ESCO1: variants seen among roughly 807,000 people sequenced by gnomAD.
The protein encoded by ESCO1 is N-acetyltransferase ESCO1.
In ESCO1, 33 loss-of-function variants were observed where a neutral mutation model predicts 83.5. The observed-to-expected ratio is 0.40, with a 90% CI of 0.30 to 0.53. ESCO1 has a LOEUF of 0.53. Ranked by LOEUF, ESCO1 falls within the 20% of genes least tolerant of loss-of-function variation. The pLI is 0.63. For synonymous variants in ESCO1, 332 were observed against 324.3 expected, an observed-to-expected ratio of 1.02 and a Z score of -0.25; for missense variants, 855 against 968.0, an observed-to-expected ratio of 0.88 and a Z score of 1.55.
intron 1 of ESCO1, among the ~76,000 whole-genome samples, chr18:21,595,218 T>C (rs1383203265): frequency 1.3e-5 from 2 of 151,958 alleles, no homozygotes; most frequent in Admixed American, 6.6e-5. Flanking sequence ...CACCCTCAAA[T>C]AGCTTATGGA....
At chr18:21,532,064 A>G (rs2037774056) in intron 11 of ESCO1, among the ~76,000 whole-genome samples, 1 of 152,178 alleles carries the variant, frequency 6.6e-6, no homozygotes, top group Non-Finnish European at 1.5e-5. Context: ...AAGAAAAACT[A>G]ATAAGAGATT....
chr18:21,544,233 C>T (rs1428064248), intron 8 of ESCO1, among the ~76,000 whole-genome samples: 1 of 151,706 alleles, frequency 6.6e-6, no homozygotes, highest in African/African-American at 2.4e-5. Flanking sequence ...GAGATCGCGC[C>T]ACTGCACTCC....
intron 1 of ESCO1, among the ~76,000 whole-genome samples, chr18:21,585,301 T>TA: frequency 6.6e-6 from 1 of 152,332 alleles, no homozygotes; most frequent in Middle Eastern, 3.4e-3. Flanking sequence ...TCACATGCCT[T>TA]ATTTTGGCCT....
Position 21,574,051 on chromosome 18 carries a change from ACTT to A in ESCO1, c.790_792del (p.Lys264del), listed in dbSNP as rs757029579. ...TTAGTATTCACTTGTGTATGAACCG[ACTT>A]CTTCATCTCATTCTTTTTCGGGACC... is the stretch of plus-strand genomic sequence containing the variant. On this transcript the variant is annotated inframe_deletion, in exon 4 of 12. Transcript: ENST00000269214. The A allele has an allele frequency of 2.5e-6, 4 of 1,612,592 alleles. No homozygotes were observed. Among genetic ancestry groups the A allele is most frequent in the South Asian group, 1.1e-5 (1 of 91,082 alleles).
At chr18:21,544,838 T>C (rs942042352) in intron 8 of ESCO1, among the ~76,000 whole-genome samples, 1 of 152,214 alleles carries the variant, frequency 6.6e-6, no homozygotes, top group Non-Finnish European at 1.5e-5. Context: ...GTCAAAACTG[T>C]ACCAATGGCC....
intron 9 of ESCO1, among the ~76,000 whole-genome samples, chr18:21,538,192 C>T (rs1375795708): frequency 6.6e-6 from 1 of 151,398 alleles, no homozygotes; most frequent in East Asian, 1.9e-4. Context: ...TGGCTCACGC[C>T]TATAATCCCA....
At chr18:21,553,476 A>T (rs866246148) in intron 8 of ESCO1, among the ~76,000 whole-genome samples, 6,051 of 98,060 alleles carry the variant, frequency 0.062, 217 homozygotes, top group African/African-American at 0.12. Context: ...AAAAAAAAAA[A>T]TTTTTTTTGA....
intron 1 of ESCO1, among the ~76,000 whole-genome samples, chr18:21,595,216 A>T (rs1441279864): frequency 1.3e-5 from 2 of 151,930 alleles, no homozygotes; most frequent in African/African-American, 2.4e-5. Context: ...CCCACCCTCA[A>T]ATAGCTTATG....
chr18:21,551,641 C>T (rs747140166), intron 8 of ESCO1, among the ~76,000 whole-genome samples: 5 of 152,158 alleles, frequency 3.3e-5, no homozygotes, highest in African/African-American at 2.4e-5. Flanking sequence ...ACCAGAATTA[C>T]GTGGCCTGAC....
chr18:21,582,822 T>C (rs990057529), intron 2 of ESCO1, among the ~76,000 whole-genome samples: 1 of 152,244 alleles, frequency 6.6e-6, no homozygotes, highest in Non-Finnish European at 1.5e-5. Context: ...GTCAGGTACC[T>C]TACATTACTA....
At chr18:21,536,819 A>G (rs1020788752) in intron 9 of ESCO1, among the ~76,000 whole-genome samples, 63 of 152,098 alleles carry the variant, frequency 4.1e-4, no homozygotes, top group African/African-American at 1.5e-3. Context: ...ACTTCACTGC[A>G]ATCTTAGCCA....
rs2038395925 is a variant in ESCO1 at position 21,574,709 on chromosome 18, T to C, written c.135A>G (p.Ile45Met). ...CACTGGAAGATTTAGCCTGTGATTT[T>C]ATAGTCTCCTTTGGACCTGATTTTT... ...LAKKSGPKET[I>M]KSQAKSSSES... Residue 45 changes from isoleucine (I) to methionine (M), a missense_variant, in exon 4 of 12, where the codon ATA (isoleucine) becomes ATG (methionine). Ile to Met is a conservative substitution (Grantham distance 10, BLOSUM62 1). Coordinates refer to ENST00000269214, the MANE Select transcript of ESCO1 (RefSeq NM_052911.3). The C allele has an allele frequency of 5.0e-6, 8 of 1,613,114 alleles. No individual in the cohort carries two copies. Among genetic ancestry groups the C allele is most frequent in the Non-Finnish European group, 4.2e-6 (5 of 1,179,998 alleles).
rs577485040 is a variant in ESCO1 at position 21,542,703 on chromosome 18, T to G, written c.1954-2694A>C. Among the ~76,000 whole-genome samples the G allele has an allele frequency of 2.6e-5, 4 of 152,332 alleles. No homozygotes were observed. In the East Asian group the frequency reaches 7.7e-4, roughly 29 times the overall value. ...TAAATACAGCAATAAATTCAAATCA[T>G]AGGCAAATAAAAGATGAAAGAAACA... On this transcript the variant is annotated intron_variant, in intron 8 of 11. Transcript: ENST00000269214.
intron 9 of ESCO1, among the ~76,000 whole-genome samples, chr18:21,538,548 C>T (rs1398731967): frequency 6.6e-6 from 1 of 152,176 alleles, no homozygotes; most frequent in East Asian, 1.9e-4. Flanking sequence ...TAAGATTGTC[C>T]ATTCGGATAA....
chr18:21,543,222 T>G (rs1325516650), intron 8 of ESCO1, among the ~76,000 whole-genome samples: 2 of 152,198 alleles, frequency 1.3e-5, no homozygotes, highest in African/African-American at 4.8e-5. Flanking sequence ...TGGCGCAATC[T>G]CGGCTCACTG....
chr18:21,560,132 A>G (rs2038163642), intron 8 of ESCO1, among the ~76,000 whole-genome samples: 1 of 152,152 alleles, frequency 6.6e-6, no homozygotes, highest in Non-Finnish European at 1.5e-5. Context: ...GTATACAATA[A>G]AAAGAGATTC....
At chr18:21,595,806 T>C (rs2038757734) in intron 1 of ESCO1, among the ~76,000 whole-genome samples, 1 of 149,208 alleles carries the variant, frequency 6.7e-6, no homozygotes, top group African/African-American at 2.5e-5. Flanking sequence ...TACTAAAAAA[T>C]ACAAAAAATT....
intron 6 of ESCO1, among the ~76,000 whole-genome samples, chr18:21,565,262 A>T (rs1311434751): frequency 6.6e-6 from 1 of 152,246 alleles, no homozygotes; most frequent in Non-Finnish European, 1.5e-5. Flanking sequence ...ATTTGTACTA[A>T]ATACTGTTTG....
At chr18:21,554,533 G>A (rs1210062715) in intron 8 of ESCO1, among the ~76,000 whole-genome samples, 4 of 152,270 alleles carry the variant, frequency 2.6e-5, no homozygotes, top group East Asian at 1.9e-4. Context: ...TTGGGAGCCC[G>A]AGGCGGGTGG....
Sources: allele counts gnomAD v4.1 joint callset (sites outside exome capture counted in the v4.1 genomes callset), GRCh38; gene constraint gnomAD v4.1.1; transcripts MANE v1.5; gene names NCBI Gene and HGNC (gene_info 2026-07-23, HGNC 2026-07-21).